The following EYS variants were observed in gnomAD, a reference collection of about 807,000 sequenced individuals.
EYS encodes the protein protein eyes shut homolog.
Under a neutral mutation model 282.1 loss-of-function variants are expected in EYS, and 250 were observed. The observed-to-expected ratio is 0.89, with a 90% CI of 0.80 to 0.98. The LOEUF is 0.98. Ranked by LOEUF, EYS falls within the 50% of genes least tolerant of loss-of-function variation. The probability of loss-of-function intolerance (pLI) is 0.00; values close to 1 mark genes in which losing one functional copy is unlikely to be tolerated. For synonymous variants in EYS, 1,355 were observed against 1,282.9 expected, an observed-to-expected ratio of 1.06 and a Z score of -1.20; for missense variants, 4,016 against 3,709.0, an observed-to-expected ratio of 1.08 and a Z score of -2.15.
chr6:64,775,288 A>G (rs1353053635), intron 22 of EYS, among the ~76,000 whole-genome samples: 1 of 152,016 alleles, frequency 6.6e-6, no homozygotes, highest in Non-Finnish European at 1.5e-5. Flanking sequence ...TCCAGCCATT[A>G]GGTAACTTCT....
chr6:64,257,018 A>T (rs1482363196), intron 30 of EYS, among the ~76,000 whole-genome samples: 1 of 152,042 alleles, frequency 6.6e-6, no homozygotes, highest in Admixed American at 6.6e-5. Context: ...TCAACACCTC[A>T]AAATCTATTA....
At chr6:64,896,277 C>T (rs563377548) in intron 18 of EYS, among the ~76,000 whole-genome samples, 238 of 152,084 alleles carry the variant, frequency 1.6e-3, no homozygotes, top group South Asian at 0.015. Flanking sequence ...GTACAGCCCA[C>T]GGAGGGCAAG....
At chr6:64,568,974 A>T (rs1765637394) in intron 26 of EYS, among the ~76,000 whole-genome samples, 1 of 147,406 alleles carries the variant, frequency 6.8e-6, no homozygotes, top group Non-Finnish European at 1.5e-5. Context: ...ACCCCATCCA[A>T]AGGTCACCAG....
chr6:64,187,166 T>A (rs1764970220), intron 31 of EYS, among the ~76,000 whole-genome samples: 1 of 152,130 alleles, frequency 6.6e-6, no homozygotes, highest in African/African-American at 2.4e-5. Context: ...CATTTTTGGA[T>A]CAAAGTGTGC....
chr6:63,799,105 C>T (rs1770722257), intron 37 of EYS, among the ~76,000 whole-genome samples: 1 of 149,542 alleles, frequency 6.7e-6, no homozygotes, highest in African/African-American at 2.5e-5. Context: ...CCTCCGCCTC[C>T]CGGGTTCAAG....
intron 26 of EYS, among the ~76,000 whole-genome samples, chr6:64,451,641 C>T (rs146680846): frequency 0.039 from 5,864 of 152,266 alleles, 366 homozygotes; most frequent in African/African-American, 0.13. Context: ...TCCAGCAACA[C>T]ATCAAAAAGC....
intron 5 of EYS, among the ~76,000 whole-genome samples, chr6:65,415,281 C>T (rs1025624128): frequency 3.3e-5 from 5 of 151,964 alleles, no homozygotes; most frequent in African/African-American, 4.8e-5. Context: ...AAGATTTCAC[C>T]TGGTATCTCA....
At chr6:64,262,470 G>A (rs1224611263) in intron 30 of EYS, among the ~76,000 whole-genome samples, 3 of 151,722 alleles carry the variant, frequency 2.0e-5, no homozygotes, top group Non-Finnish European at 2.9e-5. Context: ...AAAATCACAA[G>A]TTCTTCATTC....
At chr6:65,575,646 C>G (rs1237807336) in intron 2 of EYS, among the ~76,000 whole-genome samples, 1 of 151,630 alleles carries the variant, frequency 6.6e-6, no homozygotes, top group South Asian at 2.1e-4. Context: ...AAGAAATCAA[C>G]CAAATTAAAA....
chr6:64,257,544 TA>T (rs1767440386), intron 30 of EYS, among the ~76,000 whole-genome samples: 1 of 152,034 alleles, frequency 6.6e-6, no homozygotes, highest in Admixed American at 6.6e-5. Context: ...TTCTTAACTA[TA>T]AATATAAAGG....
chr6:64,599,479 A>G (rs1476288107), intron 24 of EYS, among the ~76,000 whole-genome samples: 1 of 152,206 alleles, frequency 6.6e-6, no homozygotes. Flanking sequence ...AAATAGAAAT[A>G]AAAATTAAAG....
At chr6:64,405,872 G>A (rs540363588) in intron 28 of EYS, among the ~76,000 whole-genome samples, 66 of 152,176 alleles carry the variant, frequency 4.3e-4, no homozygotes, top group African/African-American at 1.5e-3. Context: ...ATAGGAAGAA[G>A]CAATATCGTG....
At chr6:65,613,572 T>C (rs999345397) in intron 2 of EYS, among the ~76,000 whole-genome samples, 6 of 151,814 alleles carry the variant, frequency 4.0e-5, no homozygotes, top group Admixed American at 1.3e-4. Flanking sequence ...CATGATCTGA[T>C]TGCCAGCCAA....
At chr6:64,640,625 C>A (rs535607825) in intron 22 of EYS, among the ~76,000 whole-genome samples, 1 of 151,536 alleles carries the variant, frequency 6.6e-6, no homozygotes, top group Non-Finnish European at 1.5e-5. Context: ...TGCTAAATGA[C>A]GAGTTAATGG....
chr6:65,009,002 A>T (rs534457072), intron 13 of EYS, among the ~76,000 whole-genome samples: 1 of 152,158 alleles, frequency 6.6e-6, no homozygotes, highest in Non-Finnish European at 1.5e-5. Flanking sequence ...TATGCCTGAA[A>T]GCCCCAATCC....
At chr6:64,537,266 T>A (rs1403892924) in intron 26 of EYS, among the ~76,000 whole-genome samples, 1 of 149,240 alleles carries the variant, frequency 6.7e-6, no homozygotes, top group Non-Finnish European at 1.5e-5. Flanking sequence ...TGTTTGGTTT[T>A]TTGTTCTTGT....
chr6:64,912,387 C>T (rs1768026881), intron 16 of EYS, 97 bp downstream of exon 16: 1 of 1,100,590 alleles, frequency 9.1e-7, no homozygotes. Flanking sequence ...AGGATTTTTC[C>T]AACCCATTTT....
rs1234481738 is a variant in EYS at position 64,638,099 on chromosome 6, T to C, written c.3444-11854A>G. Among the ~76,000 whole-genome samples the C allele has an allele frequency of 2.2e-5, 2 of 90,556 alleles. 1 individual carries two copies. Among genetic ancestry groups the C allele is most frequent in the Non-Finnish European group, 4.8e-5 (2 of 42,076 alleles). The allele number at this position is 90,556 out of a possible 152,430, so 59.4% of individuals were successfully genotyped here. On this transcript the variant is annotated intron_variant, in intron 22 of 42. Coordinates refer to ENST00000503581, the MANE Select transcript of EYS (RefSeq NM_001142800.2). Reference sequence around the variant, plus strand: ...GCAACCCACTGTCCTGAACTGACAGTTCAAAAATGTATAGGAGTGCATTCT... The same window carrying C: ...GCAACCCACTGTCCTGAACTGACAGCTCAAAAATGTATAGGAGTGCATTCT...
At chr6:64,529,405 T>C (rs1562043408) in intron 26 of EYS, among the ~76,000 whole-genome samples, 1 of 152,096 alleles carries the variant, frequency 6.6e-6, no homozygotes, top group Non-Finnish European at 1.5e-5. Flanking sequence ...AAGTGGTCAT[T>C]ATCCCATTTG....
Sources: gnomAD v4.1 joint callset for allele counts (sites outside exome capture counted in the v4.1 genomes callset) on GRCh38, gnomAD v4.1.1 for gene constraint, MANE v1.5 for transcripts, NCBI Gene and HGNC (gene_info 2026-07-23, HGNC 2026-07-21) for gene names.